KCNT2: variants seen among roughly 807,000 people sequenced by gnomAD.
KCNT2 encodes potassium sodium-activated channel subfamily T member 2, also known as potassium channel subfamily T member 2.
Under a neutral mutation model 153.8 loss-of-function variants are expected in KCNT2, and 67 were observed. The observed-to-expected ratio is 0.44, with a 90% confidence interval of 0.36 to 0.53. The LOEUF (loss-of-function observed/expected upper bound fraction) is 0.53, where lower values mean the gene tolerates loss of function less well. KCNT2 is among the 20% of genes least tolerant of loss of function. The pLI is 0.00. For synonymous variants in KCNT2, 500 were observed against 458.8 expected (o/e 1.09, Z -1.15); for missense variants, 975 against 1,354.8 (o/e 0.72, Z 4.40).
intron 1 of KCNT2, among the ~76,000 whole-genome samples, chr1:196,511,843 A>G (rs1365882996): frequency 6.6e-6 from 1 of 152,172 alleles, no homozygotes; most frequent in African/African-American, 2.4e-5. Flanking sequence ...ACCTCTTTTA[A>G]GACCCTCTCT....
At chr1:196,362,777 C>T (rs745365638) in intron 14 of KCNT2, among the ~76,000 whole-genome samples, 3 of 152,036 alleles carry the variant, frequency 2.0e-5, no homozygotes, top group Non-Finnish European at 2.9e-5. Context: ...TTGTAGGATG[C>T]TCTCAATATT....
intron 1 of KCNT2, among the ~76,000 whole-genome samples, chr1:196,584,989 A>C (rs1374182013): frequency 2.6e-5 from 4 of 152,032 alleles, no homozygotes; most frequent in African/African-American, 9.7e-5. Flanking sequence ...GTCAGCACAC[A>C]TGTGTTCTGC....
intron 26 of KCNT2, among the ~76,000 whole-genome samples, chr1:196,240,729 C>G (rs1326317846): frequency 6.6e-6 from 1 of 151,980 alleles, no homozygotes; most frequent in African/African-American, 2.4e-5. Context: ...AAGCTGGGAC[C>G]AGATTCTTGA....
intron 14 of KCNT2, among the ~76,000 whole-genome samples, chr1:196,363,338 C>A (rs1667781777): frequency 6.6e-6 from 1 of 152,058 alleles, no homozygotes; most frequent in South Asian, 2.1e-4. Flanking sequence ...GCCACCACAA[C>A]ATTTTTCAGG....
At chr1:196,337,157 AC>A (rs1353407896) in intron 16 of KCNT2, among the ~76,000 whole-genome samples, 4 of 141,564 alleles carry the variant, frequency 2.8e-5, no homozygotes, top group African/African-American at 5.3e-5. Context: ...TCTTCCCTTC[AC>A]CCCCGCAAAA....
chr1:196,403,546 A>G (rs1197635796), intron 12 of KCNT2, among the ~76,000 whole-genome samples: 1 of 151,612 alleles, frequency 6.6e-6, no homozygotes, highest in African/African-American at 2.4e-5. Context: ...CCTAATGTAA[A>G]CTATGGGTTT....
intron 1 of KCNT2, among the ~76,000 whole-genome samples, chr1:196,510,339 G>C (rs905304865): frequency 3.3e-5 from 5 of 152,098 alleles, no homozygotes; most frequent in African/African-American, 1.2e-4. Flanking sequence ...ATACAGATTA[G>C]GGGACTGAGG....
intron 14 of KCNT2, among the ~76,000 whole-genome samples, chr1:196,346,237 T>G (rs1233992762): frequency 6.6e-6 from 1 of 152,144 alleles, no homozygotes; most frequent in Non-Finnish European, 1.5e-5. Context: ...GGGCAGCATT[T>G]GGTCTACATT....
chr1:196,339,765 C>T (rs541875849), intron 16 of KCNT2, among the ~76,000 whole-genome samples: 46 of 152,026 alleles, frequency 3.0e-4, no homozygotes, highest in Admixed American at 7.9e-4. Context: ...GAGGCCAAAC[C>T]GTAAAGAAAT....
At chr1:196,464,575 C>A (rs1677441802) in intron 8 of KCNT2, among the ~76,000 whole-genome samples, 1 of 151,726 alleles carries the variant, frequency 6.6e-6, no homozygotes, top group Non-Finnish European at 1.5e-5. Flanking sequence ...TAGGGTCAGA[C>A]CCAGGTCACA....
In KCNT2 at chr1:196,426,005, G is replaced by A. The variant is rs1454049182; in HGVS notation, c.985-17C>T. On this transcript the variant is annotated splice_polypyrimidine_tract_variant and intron_variant, in intron 10 of 27. Transcript: ENST00000294725. ...ATAATAATCCTATTCAAAACAAAAT[G>A]GGCAATGGAATAGAAACAAAAATGT... 6.2e-7 allele frequency: 1 copy of A among 1,604,088 alleles called. No homozygotes were observed. The highest frequency in any genetic ancestry group is 8.5e-7 in the Non-Finnish European group (1 of 1,173,638).
intron 1 of KCNT2, among the ~76,000 whole-genome samples, chr1:196,576,507 A>C (rs1255637188): frequency 6.6e-6 from 1 of 152,124 alleles, no homozygotes; most frequent in Non-Finnish European, 1.5e-5. Context: ...AAATTATATA[A>C]AAATTTTGCA....
chr1:196,460,077 A>G (rs1460581229), intron 8 of KCNT2, among the ~76,000 whole-genome samples: 1 of 151,878 alleles, frequency 6.6e-6, no homozygotes, highest in Non-Finnish European at 1.5e-5. Context: ...AATTCTAAAA[A>G]AAAGCAAAAA....
At chr1:196,295,652 A>C (rs1660610269) in intron 22 of KCNT2, among the ~76,000 whole-genome samples, 1 of 152,002 alleles carries the variant, frequency 6.6e-6, no homozygotes, top group African/African-American at 2.4e-5. Flanking sequence ...ACTACAGTAT[A>C]AGTGTAAAAA....
At chr1:196,237,639 T>C (rs1182066821) in intron 26 of KCNT2, among the ~76,000 whole-genome samples, 1 of 151,800 alleles carries the variant, frequency 6.6e-6, no homozygotes, top group East Asian at 1.9e-4. Context: ...ATCATATAAC[T>C]AATGTTTTTT....
At chr1:196,500,940 C>T (rs538248074) in intron 1 of KCNT2, among the ~76,000 whole-genome samples, 1 of 152,240 alleles carries the variant, frequency 6.6e-6, no homozygotes, top group African/African-American at 2.4e-5. Context: ...CAGCCACAAA[C>T]ATATGCCACC....
chr1:196,348,531 A>G (rs1018775546), intron 14 of KCNT2, among the ~76,000 whole-genome samples: 1 of 152,176 alleles, frequency 6.6e-6, no homozygotes, highest in Non-Finnish European at 1.5e-5. Context: ...CTGTTCTACT[A>G]TATTGACTAG....
In KCNT2 at chr1:196,533,583, T is replaced by G. The variant is rs138888112; in HGVS notation, c.96-41242A>C. 2.8e-4 allele frequency among the ~76,000 whole-genome samples: 43 copies of G among 152,186 alleles called. 1 individual carries two copies. The East Asian group carries it at 7.2e-3, about 25-fold the overall frequency. ...GAACTAGCTTTCTGTCATGTTAGAT[T>G]TGAGGAAATTTGACTAGCTTTCTCC... On this transcript the variant is annotated intron_variant, in intron 1 of 27. Transcript: ENST00000294725.
chr1:196,544,466 A>G (rs1261005357), intron 1 of KCNT2, among the ~76,000 whole-genome samples: 1 of 151,948 alleles, frequency 6.6e-6, no homozygotes, highest in Non-Finnish European at 1.5e-5. Context: ...TTTAAACCAC[A>G]TGACTGTATT....
Sources: gnomAD v4.1 joint callset for allele counts (sites outside exome capture counted in the v4.1 genomes callset) on GRCh38, gnomAD v4.1.1 for gene constraint, MANE v1.5 for transcripts, NCBI Gene and HGNC (gene_info 2026-07-23, HGNC 2026-07-21) for gene names.